PCSK5: variants seen among roughly 807,000 people sequenced by gnomAD.
PCSK5 encodes the protein prohormone convertase 5.
Under a neutral mutation model 233.2 loss-of-function variants are expected in PCSK5, and 129 were observed. The ratio of observed to expected loss-of-function variants is 0.55; its 90% CI spans 0.48 to 0.64. The LOEUF (loss-of-function observed/expected upper bound fraction) is 0.64. Ranked by LOEUF, PCSK5 falls within the 30% of genes least tolerant of loss-of-function variation. The pLI is 0.00. For missense variants in PCSK5, 2,076 were observed against 2,430.1 expected (o/e 0.85, Z 3.06); for synonymous variants, 825 against 879.2 (o/e 0.94, Z 1.09).
intron 7 of PCSK5, among the ~76,000 whole-genome samples, chr9:76,085,017 TC>T (rs1161255117): frequency 2.0e-5 from 3 of 152,148 alleles, no homozygotes; most frequent in Admixed American, 2.0e-4. Flanking sequence ...ACAGGAACAC[TC>T]AGCTTATTGA....
chr9:76,136,937 A>G (rs911003196), intron 10 of PCSK5, among the ~76,000 whole-genome samples: 5 of 152,024 alleles, frequency 3.3e-5, no homozygotes, highest in African/African-American at 9.7e-5. Context: ...CAACACCCCA[A>G]TGAATAGTCT....
Position 75,891,140 on chromosome 9 carries a change from G to C in PCSK5, c.-42G>C. On this transcript the variant is annotated 5_prime_UTR_variant, in exon 1 of 38. Coordinates refer to ENST00000674117, the MANE Select transcript of PCSK5 (RefSeq NM_001372043.1). Reference sequence around the variant, plus strand: ...TTAGTTGTGCGCGCCCTTAGTGCGCGGAACCAGCCAGCGAGCGAGGGAGCA... The same window carrying C: ...TTAGTTGTGCGCGCCCTTAGTGCGCCGAACCAGCCAGCGAGCGAGGGAGCA... 7.0e-7 allele frequency: 1 copy of C among 1,428,774 alleles called. No homozygotes were observed. Among genetic ancestry groups the C allele is most frequent in the Non-Finnish European group, 9.1e-7 (1 of 1,099,422 alleles). 88.5% of individuals were successfully genotyped at this position (1,428,774 alleles called of 1,614,324 possible).
In PCSK5 at chr9:76,323,176, A is replaced by T; in HGVS notation, c.4227A>T (p.Lys1409Asn). The stretch of plus-strand genomic sequence containing the variant: ...ACTGTCTGGAGTGCAGTGGCCCCAA[A>T]GCCGACGACTGCGAGCTCTGTCTTG... ...HKDCLECSGPKADDCELCLES... is the reference protein window; with the variant it reads ...HKDCLECSGPNADDCELCLES... The change falls in exon 32 of 38, where the codon AAA (lysine) becomes AAT (asparagine). Residue 1409 changes from lysine (K) to asparagine (N), a missense_variant. This residue lies in a region of PCSK5 where 1,510 missense variants were observed against 1,538.1 expected (regional missense o/e 0.98). Transcript: ENST00000674117. The T allele has an allele frequency of 6.2e-7, 1 of 1,612,714 alleles. No individual in the cohort carries two copies. The highest frequency in any genetic ancestry group is 8.5e-7 in the Non-Finnish European group (1 of 1,179,794).
intron 2 of PCSK5, among the ~76,000 whole-genome samples, chr9:75,956,462 A>G (rs75113262): frequency 6.6e-6 from 1 of 152,302 alleles, no homozygotes; most frequent in East Asian, 1.9e-4. Context: ...ACCCTTGGTC[A>G]CTTCCCAGAT....
intron 8 of PCSK5, among the ~76,000 whole-genome samples, chr9:76,096,592 G>T (rs1456663253): frequency 2.0e-5 from 3 of 151,808 alleles, no homozygotes; most frequent in East Asian, 1.9e-4. Context: ...CTCTGTAAAA[G>T]GTGCGTTTCT....
At chr9:76,027,137 A>G in intron 5 of PCSK5, 100 bp downstream of exon 5, 8 of 691,180 alleles carry the variant, frequency 1.2e-5, no homozygotes, top group Middle Eastern at 2.6e-4. Context: ...TTGATAACAT[A>G]TGATTGCTAA....
intron 29 of PCSK5, among the ~76,000 whole-genome samples, chr9:76,309,489 T>C (rs1293843147): frequency 1.3e-5 from 2 of 151,848 alleles, no homozygotes; most frequent in Admixed American, 6.6e-5. Context: ...AGGCCAGGAG[T>C]TGGAGACCTG....
intron 10 of PCSK5, among the ~76,000 whole-genome samples, chr9:76,142,080 C>T (rs1385535095): frequency 2.0e-5 from 3 of 151,962 alleles, no homozygotes; most frequent in African/African-American, 7.3e-5. Flanking sequence ...AGCCCCATGA[C>T]ATGAGTTTAC....
chr9:76,137,461 TTAAA>T (rs1021688187), intron 10 of PCSK5, among the ~76,000 whole-genome samples: 5 of 139,072 alleles, frequency 3.6e-5, no homozygotes, highest in African/African-American at 1.3e-4. Context: ...CTGCTGTTTC[TTAAA>T]TAATAATAAC....
intron 1 of PCSK5, among the ~76,000 whole-genome samples, chr9:75,898,363 C>T (rs1825895454): frequency 6.6e-6 from 1 of 152,206 alleles, no homozygotes; most frequent in Non-Finnish European, 1.5e-5. Flanking sequence ...CCTTTTCCCT[C>T]AGAAGGTGCT....
At position 76,353,886 on chromosome 9, in the gene PCSK5, G is replaced by C. The variant is rs1020113021; in HGVS notation, c.5068-147G>C. The C allele has an allele frequency of 6.3e-6, 4 of 635,144 alleles. No homozygotes were observed. In the East Asian group the frequency reaches 1.1e-4, roughly 18 times the overall value. The allele number at this position is 635,144 out of a possible 1,614,324, so 39.3% of individuals were successfully genotyped here. Reference sequence around the variant, plus strand: ...ACAGTTGGTTCTTTCACCCAACACAGTTAAAATGGGCTTAGAACACACCAT... The same window carrying C: ...ACAGTTGGTTCTTTCACCCAACACACTTAAAATGGGCTTAGAACACACCAT... On this transcript the variant is annotated intron_variant, in intron 36 of 37. Transcript: ENST00000674117.
intron 24 of PCSK5, among the ~76,000 whole-genome samples, chr9:76,274,880 G>A (rs1257559238): frequency 6.6e-6 from 1 of 152,124 alleles, no homozygotes; most frequent in Non-Finnish European, 1.5e-5. Context: ...TCTAGCGAGG[G>A]CTCCAGGCTG....
intron 3 of PCSK5, among the ~76,000 whole-genome samples, chr9:75,998,516 A>T (rs1827121576): frequency 2.6e-5 from 4 of 152,224 alleles, no homozygotes; most frequent in Non-Finnish European, 4.4e-5. Context: ...AAGTTTTCAA[A>T]AACTAGAAAT....
chr9:76,186,076 G>A (rs1824090124), intron 17 of PCSK5, among the ~76,000 whole-genome samples: 1 of 151,892 alleles, frequency 6.6e-6, no homozygotes, highest in Non-Finnish European at 1.5e-5. Flanking sequence ...AAAGATACAG[G>A]GGAAATGAGT....
chr9:76,026,260 G>A (rs1587516398), intron 4 of PCSK5, among the ~76,000 whole-genome samples: 1 of 152,128 alleles, frequency 6.6e-6, no homozygotes, highest in Admixed American at 6.5e-5. Context: ...TCCAACTTTG[G>A]TTCTGGAGAT....
intron 1 of PCSK5, among the ~76,000 whole-genome samples, chr9:75,926,206 A>T (rs117640586): frequency 6.6e-6 from 1 of 152,338 alleles, no homozygotes; most frequent in Non-Finnish European, 1.5e-5. Context: ...AGAATTCAGA[A>T]AAGGGGAATT....
intron 2 of PCSK5, among the ~76,000 whole-genome samples, chr9:75,970,779 G>A (rs1236701782): frequency 6.6e-6 from 1 of 151,814 alleles, no homozygotes; most frequent in Non-Finnish European, 1.5e-5. Flanking sequence ...ACACTGCCAC[G>A]CCTGGTTAAT....
intron 8 of PCSK5, 63 bp downstream of exon 8, chr9:76,096,165 G>T: frequency 3.1e-6 from 3 of 975,422 alleles, no homozygotes; most frequent in Non-Finnish European, 4.7e-6. Flanking sequence ...AAATACAAAG[G>T]GAGAACCATA....
At chr9:76,123,727 TTG>T (rs1470350383) in intron 9 of PCSK5, among the ~76,000 whole-genome samples, 1 of 152,236 alleles carries the variant, frequency 6.6e-6, no homozygotes, top group African/African-American at 2.4e-5. Flanking sequence ...AAACTTTAAA[TTG>T]TTTATTTTAT....
Sources: gnomAD v4.1 joint callset for allele counts (sites outside exome capture counted in the v4.1 genomes callset) on GRCh38, gnomAD v4.1.1 for gene constraint, gnomAD v4.1.1 regional missense constraint, MANE v1.5 for transcripts, NCBI Gene and HGNC (gene_info 2026-07-23, HGNC 2026-07-21) for gene names.